ERICH1: variants seen among roughly 807,000 people sequenced by gnomAD.
ERICH1 encodes glutamate rich 1.
Under a neutral mutation model 39.6 loss-of-function variants are expected in ERICH1, and 56 were observed. The observed-to-expected ratio is 1.41, with a 90% CI of 1.14 to 1.77. The LOEUF (loss-of-function observed/expected upper bound fraction) is 1.77, where lower values mean the gene tolerates loss of function less well. ERICH1 is among the 40% of genes most tolerant of loss of function. The probability of loss-of-function intolerance (pLI) is 0.00; values close to 1 mark genes in which losing one functional copy is unlikely to be tolerated. For missense variants in ERICH1, 826 were observed against 575.4 expected (o/e 1.44, Z -4.45); for synonymous variants, 313 against 223.6 (o/e 1.40, Z -3.57).
At chr8:688,271 G>GC in intron 3 of ERICH1, among the ~76,000 whole-genome samples, 1 of 34,928 alleles carries the variant, frequency 2.9e-5, no homozygotes, top group Admixed American at 3.5e-4. Context: ...CCCCAGTTCC[G>GC]CCCGTCCCCG....
intron 3 of ERICH1, among the ~76,000 whole-genome samples, chr8:636,745 G>A (rs780971007): frequency 2.6e-5 from 4 of 152,240 alleles, no homozygotes; most frequent in Admixed American, 6.5e-5. Context: ...ACCTGGCCTC[G>A]GCAGGCAGCT....
Position 728,458 on chromosome 8 carries a change from C to T in ERICH1, c.22+2682G>A, listed in dbSNP as rs553843068. On this transcript the variant is annotated intron_variant, in intron 1 of 5. Transcript: ENST00000262109. ...CACCCATCGCAGCAGGCCCCTTCCT[C>T]GAGGAGCACGCAGTCCCTGGGAGAT... Among the ~76,000 whole-genome samples, 58 of 152,300 alleles carry T rather than the reference C, an allele frequency of 3.8e-4. 1 individual carries two copies. The South Asian group carries it at 0.012, about 31-fold the overall frequency.
At chr8:619,298 G>A (rs764164023) in intron 3 of ERICH1, among the ~76,000 whole-genome samples, 1 of 152,262 alleles carries the variant, frequency 6.6e-6, no homozygotes, top group Admixed American at 6.5e-5. Context: ...CACCGCGCAC[G>A]AGGGGGGCCC....
rs114447409 is a variant in ERICH1, at chr8:701,288, C to T, written c.170-8676G>A. 9.9e-3 allele frequency among the ~76,000 whole-genome samples: 1,503 copies of T among 151,636 alleles called. 18 individuals are homozygous for T. Among genetic ancestry groups the T allele is most frequent in the African/African-American group, 0.034 (1,398 of 41,226 alleles). On this transcript the variant is annotated intron_variant, in intron 2 of 5. Transcript: ENST00000262109. ...ACGCCGTACCCACGGGTCTGCCCCG[C>T]CGGACGGGAGCACGCCATACCTACG...
At chr8:618,931 G>A (rs1472313100) in intron 3 of ERICH1, among the ~76,000 whole-genome samples, 2 of 152,118 alleles carry the variant, frequency 1.3e-5, no homozygotes, top group East Asian at 3.9e-4. Flanking sequence ...CATTTAACCG[G>A]AGAAAATGGT....
chr8:618,387 C>G (rs1223743264), intron 3 of ERICH1, among the ~76,000 whole-genome samples: 1 of 152,008 alleles, frequency 6.6e-6, no homozygotes, highest in Non-Finnish European at 1.5e-5. Flanking sequence ...CCTCTGAGTG[C>G]TTGGTGCTTG....
chr8:632,096 A>G (rs1584966098), intron 3 of ERICH1, among the ~76,000 whole-genome samples: 1 of 152,172 alleles, frequency 6.6e-6, no homozygotes, highest in Non-Finnish European at 1.5e-5. Context: ...CAGGGCTGCG[A>G]GTCCCACTGA....
chr8:719,493 C>T (rs1183902567), intron 1 of ERICH1, among the ~76,000 whole-genome samples: 1 of 152,246 alleles, frequency 6.6e-6, no homozygotes, highest in Admixed American at 6.5e-5. Flanking sequence ...CGGTCGCCCG[C>T]AGGTGCTGTG....
chr8:708,878 G>C lies in ERICH1; in HGVS notation c.169+6983C>G, dbSNP rs1669624. On this transcript the variant is annotated intron_variant, in intron 2 of 5. Transcript: ENST00000262109. ...TGGCTAATTTTTGTACTTTTTGCTA[G>C]AGATGGGTGACTCGCCATGTTGCCC... Among the ~76,000 whole-genome samples the C allele has an allele frequency of 2.0e-5, 3 of 151,448 alleles. 1 individual carries two copies. The highest frequency in any genetic ancestry group is 4.2e-4 in the South Asian group (2 of 4,774).
rs151125031 is a variant in ERICH1, at chr8:686,184, C to T, written c.304+6294G>A. 1.3e-3 allele frequency among the ~76,000 whole-genome samples: 202 copies of T among 152,100 alleles called. 1 individual carries two copies. The highest frequency in any genetic ancestry group is 4.7e-3 in the African/African-American group (195 of 41,524). On this transcript the variant is annotated intron_variant, in intron 3 of 5. Coordinates refer to ENST00000262109, the MANE Select transcript of ERICH1 (RefSeq NM_207332.3). ...TCATCATCATCATCATCATCTTCTACCTTTTTTTCTCAGATACTCTTTAAC... is the reference window on the plus strand; with the variant it reads ...TCATCATCATCATCATCATCTTCTATCTTTTTTTCTCAGATACTCTTTAAC...
intron 2 of ERICH1, among the ~76,000 whole-genome samples, chr8:706,120 C>T (rs917145337): frequency 6.6e-6 from 1 of 152,214 alleles, no homozygotes; most frequent in Non-Finnish European, 1.5e-5. Context: ...ACAGCCCAGG[C>T]CTGCAGCTGG....
chr8:703,901 C>A (rs1329138411), intron 2 of ERICH1, among the ~76,000 whole-genome samples: 4 of 152,148 alleles, frequency 2.6e-5, no homozygotes, highest in Non-Finnish European at 5.9e-5. Context: ...GCACATGTTC[C>A]CAGACTACGG....
downstream of ERICH1, among the ~76,000 whole-genome samples, chr8:661,212 G>A (rs1435862012): frequency 6.6e-6 from 1 of 152,150 alleles, no homozygotes; most frequent in African/African-American, 2.4e-5. Context: ...CCCGGGATGA[G>A]AGGACATGTC....
intron 3 of ERICH1, among the ~76,000 whole-genome samples, chr8:633,833 C>A (rs1798206200): frequency 6.6e-6 from 1 of 152,210 alleles, no homozygotes; most frequent in Non-Finnish European, 1.5e-5. Context: ...ACAGGACATC[C>A]ACACGCAAAG....
intron 3 of ERICH1, among the ~76,000 whole-genome samples, chr8:630,589 C>T (rs2923934): frequency 1.7e-4 from 17 of 97,444 alleles, no homozygotes; most frequent in Non-Finnish European, 3.0e-4. Flanking sequence ...ACAGACAGAG[C>T]TGACTCACAC....
At chr8:721,341 C>T (rs1189238906) in intron 1 of ERICH1, among the ~76,000 whole-genome samples, 1 of 152,096 alleles carries the variant, frequency 6.6e-6, no homozygotes, top group Non-Finnish European at 1.5e-5. Flanking sequence ...AATTACTTTC[C>T]ACCAGCTAAT....
At chr8:681,153 T>A (rs1196284714) in intron 3 of ERICH1, among the ~76,000 whole-genome samples, 1 of 152,166 alleles carries the variant, frequency 6.6e-6, no homozygotes, top group Non-Finnish European at 1.5e-5. Context: ...CTTCCCCTGC[T>A]GTCAACTGGG....
chr8:621,334 A>G (rs1442568457), intron 3 of ERICH1, among the ~76,000 whole-genome samples: 1 of 152,114 alleles, frequency 6.6e-6, no homozygotes. Context: ...TCAAATCAAT[A>G]ACCTTTCTAC....
At chr8:678,959 C>T (rs527778040) in intron 3 of ERICH1, among the ~76,000 whole-genome samples, 1 of 152,092 alleles carries the variant, frequency 6.6e-6, no homozygotes, top group Non-Finnish European at 1.5e-5. Context: ...GATTCTGGCC[C>T]CTCAAAGCTT....
Sources: allele counts gnomAD v4.1 joint callset (sites outside exome capture counted in the v4.1 genomes callset), GRCh38; gene constraint gnomAD v4.1.1; transcripts MANE v1.5; gene names NCBI Gene and HGNC (gene_info 2026-07-23, HGNC 2026-07-21).